The following BIRC6 variants were observed in gnomAD, a reference collection of about 807,000 sequenced individuals.
BIRC6 encodes the protein dual E2 ubiquitin-conjugating enzyme/E3 ubiquitin-protein ligase BIRC6.
Under a neutral mutation model 503.3 loss-of-function variants are expected in BIRC6, and 98 were observed. The ratio of observed to expected loss-of-function variants is 0.19; its 90% CI spans 0.17 to 0.23. The LOEUF (loss-of-function observed/expected upper bound fraction) is 0.23. BIRC6 is among the 10% of genes least tolerant of loss of function. The probability of loss-of-function intolerance (pLI) is 1.00; values close to 1 mark genes in which losing one functional copy is unlikely to be tolerated. For synonymous variants in BIRC6, 2,240 were observed against 2,078.7 expected (o/e 1.08, Z -2.11); for missense variants, 5,360 against 5,806.0 (o/e 0.92, Z 2.50).
intron 45 of BIRC6, among the ~76,000 whole-genome samples, chr2:32,496,576 A>T (rs551355100): frequency 6.6e-6 from 1 of 152,130 alleles, no homozygotes; most frequent in African/African-American, 2.4e-5. Flanking sequence ...TCTGTTTTTT[A>T]TGCATTACCT....
At chr2:32,555,903 A>ACCT (rs2058738899) in intron 65 of BIRC6, among the ~76,000 whole-genome samples, 1 of 145,824 alleles carries the variant, frequency 6.9e-6, no homozygotes, top group Non-Finnish European at 1.5e-5. Flanking sequence ...GTGTCAGAGT[A>ACCT]GACCCTATCT....
chr2:32,422,717 T>C (rs2043066470), intron 10 of BIRC6, among the ~76,000 whole-genome samples: 1 of 152,174 alleles, frequency 6.6e-6, no homozygotes, highest in African/African-American at 2.4e-5. Flanking sequence ...CTAACTAGTT[T>C]TGGGGGACTT....
intron 61 of BIRC6, among the ~76,000 whole-genome samples, chr2:32,535,509 G>A (rs1375493700): frequency 1.3e-5 from 2 of 152,050 alleles, no homozygotes; most frequent in African/African-American, 2.4e-5. Flanking sequence ...CTGTGTCCAT[G>A]TGTTCTCATT....
chr2:32,508,286 T>A (rs1160696721), intron 51 of BIRC6, 27 bp downstream of exon 51: 2 of 1,278,742 alleles, frequency 1.6e-6, no homozygotes, highest in East Asian at 2.5e-5. Flanking sequence ...CTTTTTTTTT[T>A]TTTTTTTTTT....
intron 3 of BIRC6, among the ~76,000 whole-genome samples, chr2:32,387,716 T>C (rs2038676039): frequency 6.6e-6 from 1 of 152,242 alleles, no homozygotes; most frequent in South Asian, 2.1e-4. Flanking sequence ...CCAGTAATGG[T>C]AATTGTCTAA....
At chr2:32,439,370 C>T (rs1020201224) in intron 15 of BIRC6, 138 bp from the exon 16 acceptor site, 3 of 832,568 alleles carry the variant, frequency 3.6e-6, no homozygotes, top group African/African-American at 3.5e-5. Flanking sequence ...CTTTCTTCTG[C>T]TCAAACAGTA....
intron 65 of BIRC6, among the ~76,000 whole-genome samples, chr2:32,568,646 C>G (rs2150896383): frequency 6.6e-6 from 1 of 151,956 alleles, no homozygotes; most frequent in South Asian, 2.1e-4. Context: ...TAGTTCGAGA[C>G]CAGCCAAGCC....
In BIRC6 at chr2:32,374,002, C is replaced by T. The variant is rs528389282; in HGVS notation, c.326-3586C>T. On this transcript the variant is annotated intron_variant, in intron 1 of 73. Transcript: ENST00000421745. The stretch of plus-strand genomic sequence containing the variant: ...ATTCATGTGAGATATTTAGAGTAGT[C>T]GAATTCATGAAGACAGAAAGTAGCA... Among the ~76,000 whole-genome samples the T allele has an allele frequency of 9.2e-5, 14 of 152,176 alleles. No homozygotes were observed. In the South Asian group the frequency reaches 2.1e-3, roughly 23 times the overall value.
At position 32,357,192 on chromosome 2, in the gene BIRC6, G is replaced by A. The variant is rs923542680; in HGVS notation, c.31G>A (p.Gly11Arg). 4.5e-6 allele frequency: 7 copies of A among 1,539,532 alleles called. No individual in the cohort carries two copies. The highest frequency in any genetic ancestry group is 4.3e-6 in the Non-Finnish European group (5 of 1,150,162). Residue 11 changes from glycine (G) to arginine (R), a missense_variant, in exon 1 of 74, where the codon GGG (glycine) becomes AGG (arginine). By Grantham distance (125) the Gly-to-Arg change is moderately radical (BLOSUM62 -2). Transcript: ENST00000421745. The surrounding 1 kb of genome is among the most constrained non-coding windows in gnomAD (Gnocchi z 4.9). MVTGGGAAPP[G>R]TVTEPLPSVI... The stretch of plus-strand genomic sequence containing the variant: ...GACTGGTGGTGGTGCTGCACCTCCC[G>A]GGACTGTCACTGAGCCGCTTCCCAG...
chr2:32,558,643 G>A (rs1205147811), intron 65 of BIRC6: 1 of 152,186 alleles, frequency 6.6e-6, no homozygotes, highest in East Asian at 1.9e-4. Flanking sequence ...TAAAAGAGAA[G>A]TGCTGCTTAC....
chr2:32,357,231 A>C lies in BIRC6; in HGVS notation c.70A>C (p.Ser24Arg), dbSNP rs1201696179. Residue 24 changes from serine (S) to arginine (R), a missense_variant, in exon 1 of 74, where the codon AGC (serine) becomes CGC (arginine). Physicochemically the swap from Ser to Arg is moderately radical, Grantham distance 110. Around this residue, in one of 16 missense-constraint regions of BIRC6, gnomAD observed 145 missense variants for 106.9 expected, o/e 1.36. Transcript: ENST00000421745. The surrounding 1 kb of genome is among the most constrained non-coding windows in gnomAD (Gnocchi z 4.9). ...TEPLPSVIVL[S>R]AGRKMAAAAA... The stretch of plus-strand genomic sequence containing the variant: ...GCCGCTTCCCAGTGTGATTGTGCTG[A>C]GCGCAGGCCGGAAGATGGCGGCTGC... The C allele has an allele frequency of 2.6e-6, 4 of 1,528,914 alleles. No homozygotes were observed. Among genetic ancestry groups the C allele is most frequent in the African/African-American group, 1.4e-5 (1 of 69,604 alleles). 94.7% of individuals were successfully genotyped at this position (1,528,914 alleles called of 1,614,324 possible).
Position 32,468,502 on chromosome 2 carries a change from G to T in BIRC6, c.5846G>T (p.Ser1949Ile), listed in dbSNP as rs977001793. 1 of 1,613,870 alleles carries T rather than the reference G, an allele frequency of 6.2e-7. No homozygotes were observed. The highest frequency in any genetic ancestry group is 8.5e-7 in the Non-Finnish European group (1 of 1,179,838). The change falls in exon 29 of 74, where the codon AGT becomes ATT. Residue 1949 changes from serine to isoleucine, a missense_variant. Physicochemically the swap from Ser to Ile is moderately radical, Grantham distance 142. Coordinates refer to ENST00000421745, the MANE Select transcript of BIRC6 (RefSeq NM_016252.4). Reference sequence around the variant, plus strand: ...AGTATTGATCTTCCTCCTCTAAACAGTGCTAACAATGCACAGTACTTTTTA... The same window carrying T: ...AGTATTGATCTTCCTCCTCTAAACATTGCTAACAATGCACAGTACTTTTTA... ...LQSIDLPPLNSANNAQYFLRK... is the reference protein window; with the variant it reads ...LQSIDLPPLNIANNAQYFLRK...
chr2:32,545,829 G>T lies in BIRC6; in HGVS notation c.12779G>T (p.Arg4260Leu), dbSNP rs1408209860. Residue 4260 changes from arginine to leucine, a missense_variant, in exon 63 of 74, where the codon CGA (arginine) becomes CTA (leucine). Physicochemically the swap from Arg to Leu is moderately radical, Grantham distance 102. This residue lies in a region of BIRC6 where 477 missense variants were observed against 574.4 expected (regional missense o/e 0.83). Coordinates refer to ENST00000421745, the MANE Select transcript of BIRC6 (RefSeq NM_016252.4). ...TCTGCTTTGAGCCACCATTCCCCAC[G>T]AGTTCCAAACTCTAGCGTGAATCAA... ...CLSALSHHSP[R>L]VPNSSVNQTE... 1 of 1,613,678 alleles carries T rather than the reference G, an allele frequency of 6.2e-7. No homozygotes were observed. Among genetic ancestry groups the T allele is most frequent in the Middle Eastern group, 1.6e-4 (1 of 6,062 alleles).
At position 32,397,574 on chromosome 2, in the gene BIRC6, C is replaced by CTGTGTGTGTGTGTG. The variant is rs147651911; in HGVS notation, c.1034+1999_1034+2012dup. Among the ~76,000 whole-genome samples, 847 of 138,050 alleles carry CTGTGTGTGTGTGTG rather than the reference C, an allele frequency of 6.1e-3. 5 individuals carry two copies. Among genetic ancestry groups the CTGTGTGTGTGTGTG allele is most frequent in the African/African-American group, 0.021 (776 of 36,696 alleles). 90.6% of individuals were successfully genotyped at this position (138,050 alleles called of 152,430 possible). ...TTGGAATTGTCTTTCCCCGTAAAGG[C>CTGTGTGTGTGTGTG]TGTGTGTGTGTGTGTGTGTGTGTGT... On this transcript the variant is annotated intron_variant, in intron 6 of 73. Coordinates refer to ENST00000421745, the MANE Select transcript of BIRC6 (RefSeq NM_016252.4).
chr2:32,477,628 G>A, intron 35 of BIRC6, 45 bp downstream of exon 35: 1 of 1,482,168 alleles, frequency 6.7e-7, no homozygotes, highest in Non-Finnish European at 9.3e-7. Flanking sequence ...GCCGGGCGCA[G>A]TGGCTCATGC....
intron 72 of BIRC6, among the ~76,000 whole-genome samples, chr2:32,607,968 C>T (rs2062578623): frequency 2.1e-5 from 2 of 96,028 alleles, no homozygotes; most frequent in South Asian, 9.0e-4. Context: ...GAGCAAGACT[C>T]CATCTCCAAA....
intron 71 of BIRC6, 76 bp downstream of exon 71, chr2:32,603,159 A>G (rs2062182311): frequency 9.4e-7 from 1 of 1,059,358 alleles, no homozygotes; most frequent in Non-Finnish European, 1.4e-6. Context: ...TTTAGTGACC[A>G]AGAATAAATA....
rs138780901 is a variant in BIRC6 at position 32,609,679 on chromosome 2, T to G, written c.14260-1769T>G. ...TTCCAGTGTCCTTTGAATGACAAAGTTGGATACTTTACTTTTGCAAAGATC... is the reference window on the plus strand; with the variant it reads ...TTCCAGTGTCCTTTGAATGACAAAGGTGGATACTTTACTTTTGCAAAGATC... On this transcript the variant is annotated intron_variant, in intron 72 of 73. Coordinates refer to ENST00000421745, the MANE Select transcript of BIRC6 (RefSeq NM_016252.4). Among the ~76,000 whole-genome samples the G allele has an allele frequency of 2.7e-3, 415 of 151,888 alleles. 2 individuals are homozygous for G. Among genetic ancestry groups the G allele is most frequent in the African/African-American group, 9.4e-3 (389 of 41,412 alleles).
chr2:32,587,638 C>G (rs1250984620), intron 66 of BIRC6, among the ~76,000 whole-genome samples: 1 of 152,050 alleles, frequency 6.6e-6, no homozygotes, highest in African/African-American at 2.4e-5. Context: ...GCATGAGAAT[C>G]GCTTGAACCT....
Sources: allele counts gnomAD v4.1 joint callset (sites outside exome capture counted in the v4.1 genomes callset), GRCh38; gene constraint gnomAD v4.1.1; regional missense constraint gnomAD v4.1.1; non-coding constraint Gnocchi (gnomAD v3.1); transcripts MANE v1.5; gene names NCBI Gene and HGNC (gene_info 2026-07-23, HGNC 2026-07-21).